The following DDAH1 variants were observed in gnomAD, a reference collection of about 807,000 sequenced individuals.
DDAH1 encodes the protein dimethylarginine dimethylaminohydrolase 1.
Under a neutral mutation model 28.8 loss-of-function variants are expected in DDAH1, and 19 were observed. The ratio of observed to expected loss-of-function variants is 0.66; its 90% CI spans 0.46 to 0.97. The LOEUF (loss-of-function observed/expected upper bound fraction) is 0.97, where lower values mean the gene tolerates loss of function less well. Ranked by LOEUF, DDAH1 falls within the 50% of genes least tolerant of loss-of-function variation. The probability of loss-of-function intolerance (pLI) is 0.00; values close to 1 mark genes in which losing one functional copy is unlikely to be tolerated. For synonymous variants in DDAH1, 153 were observed against 154.4 expected, an observed-to-expected ratio of 0.99 and a Z score of 0.07; for missense variants, 326 against 375.9, an observed-to-expected ratio of 0.87 and a Z score of 1.10.
chr1:85,461,323 T>C (rs1655116912), intron 1 of DDAH1, among the ~76,000 whole-genome samples: 1 of 152,234 alleles, frequency 6.6e-6, no homozygotes, highest in African/African-American at 2.4e-5. Flanking sequence ...TTAGGCTTCC[T>C]GCACACAGGG....
chr1:85,444,983 T>C (rs1428300510), intron 1 of DDAH1, among the ~76,000 whole-genome samples: 3 of 152,176 alleles, frequency 2.0e-5, no homozygotes, highest in Non-Finnish European at 4.4e-5. Context: ...ACTGAAGAAC[T>C]TGGAGTCCAA....
intron 1 of DDAH1, among the ~76,000 whole-genome samples, chr1:85,519,932 A>G (rs1439975859): frequency 6.6e-5 from 10 of 152,126 alleles, no homozygotes; most frequent in Admixed American, 1.3e-4. Flanking sequence ...TACAAAAAGG[A>G]TATCAACTAT....
chr1:85,323,686 A>C (rs1397549244), intron 5 of DDAH1, among the ~76,000 whole-genome samples: 1 of 152,162 alleles, frequency 6.6e-6, no homozygotes, highest in African/African-American at 2.4e-5. Flanking sequence ...CTCTACCTAA[A>C]GAAACAAATG....
At chr1:85,571,018 TCTAA>T (rs1224106395) in intron 1 of DDAH1, among the ~76,000 whole-genome samples, 1 of 152,166 alleles carries the variant, frequency 6.6e-6, no homozygotes, top group Non-Finnish European at 1.5e-5. Flanking sequence ...TTGGTCACAT[TCTAA>T]CTGTCTGATC....
chr1:85,506,819 A>G (rs760293306), intron 1 of DDAH1, among the ~76,000 whole-genome samples: 13 of 152,208 alleles, frequency 8.5e-5, no homozygotes, highest in Non-Finnish European at 1.8e-4. Flanking sequence ...ATTTTTAGGA[A>G]GGTGCCTCGG....
At chr1:85,378,992 T>G (rs572819968) in intron 1 of DDAH1, among the ~76,000 whole-genome samples, 1 of 152,270 alleles carries the variant, frequency 6.6e-6, no homozygotes, top group Admixed American at 6.5e-5. Context: ...CTAATGTGCT[T>G]TAAATGCAAA....
At chr1:85,386,382 A>T (rs1399217961) in intron 1 of DDAH1, among the ~76,000 whole-genome samples, 1 of 152,246 alleles carries the variant, frequency 6.6e-6, no homozygotes, top group East Asian at 1.9e-4. Context: ...GAGGAATTGG[A>T]CAAAAGAATG....
chr1:85,502,820 G>A (rs564888278), intron 1 of DDAH1, among the ~76,000 whole-genome samples: 18 of 152,230 alleles, frequency 1.2e-4, no homozygotes, highest in Non-Finnish European at 1.2e-4. Context: ...TGCCTCTCCT[G>A]CCTCCTACCA....
chr1:85,409,476 T>G (rs1652547985), intron 1 of DDAH1, among the ~76,000 whole-genome samples: 1 of 152,214 alleles, frequency 6.6e-6, no homozygotes, highest in Non-Finnish European at 1.5e-5. Flanking sequence ...TCCCAATTTT[T>G]CTCCTGTTAC....
chr1:85,385,052 G>T (rs1264498766), intron 1 of DDAH1, among the ~76,000 whole-genome samples: 1 of 152,190 alleles, frequency 6.6e-6, no homozygotes, highest in East Asian at 1.9e-4. Flanking sequence ...TGGTTAATAA[G>T]CAAATTTAAC....
chr1:85,398,783 A>G (rs1651932474), intron 1 of DDAH1: 1 of 152,202 alleles, frequency 6.6e-6, no homozygotes, highest in Non-Finnish European at 1.5e-5. Flanking sequence ...TGGCAGAATA[A>G]GGCTATGGTT....
intron 4 of DDAH1, among the ~76,000 whole-genome samples, chr1:85,343,455 G>A (rs1648633241): frequency 6.6e-6 from 1 of 152,158 alleles, no homozygotes; most frequent in Admixed American, 6.5e-5. Flanking sequence ...ATTTGGTTTT[G>A]TGTTTTAATT....
chr1:85,572,745 A>G (rs1164344945), intron 1 of DDAH1, among the ~76,000 whole-genome samples: 1 of 152,166 alleles, frequency 6.6e-6, no homozygotes, highest in Non-Finnish European at 1.5e-5. Context: ...ACCACTCCTG[A>G]GCTGGTGCAA....
At chr1:85,501,801 T>C (rs1656831804) in intron 1 of DDAH1, among the ~76,000 whole-genome samples, 2 of 152,196 alleles carry the variant, frequency 1.3e-5, no homozygotes, top group South Asian at 4.1e-4. Flanking sequence ...CAGCTATTTA[T>C]GGCAAGAGGG....
intron 2 of DDAH1, among the ~76,000 whole-genome samples, chr1:85,484,145 CTT>C (rs78434263): frequency 0.13 from 19,084 of 152,074 alleles, 1,283 homozygotes; most frequent in Non-Finnish European, 0.15. Context: ...CTTAATCTCT[CTT>C]GGAAGAATAC....
chr1:85,461,430 A>C (rs1464526791), intron 1 of DDAH1, among the ~76,000 whole-genome samples: 2 of 152,220 alleles, frequency 1.3e-5, no homozygotes, highest in Non-Finnish European at 2.9e-5. Context: ...TCATTAAATG[A>C]AACACGATGT....
At chr1:85,430,799 G>C (rs2100634354) in intron 1 of DDAH1, among the ~76,000 whole-genome samples, 1 of 152,258 alleles carries the variant, frequency 6.6e-6, no homozygotes, top group African/African-American at 2.4e-5. Context: ...GGGCTGAGAT[G>C]ATGGGGTTTT....
intron 1 of DDAH1, among the ~76,000 whole-genome samples, chr1:85,460,912 T>C (rs1047469458): frequency 3.9e-5 from 6 of 152,238 alleles, no homozygotes; most frequent in Admixed American, 1.3e-4. Flanking sequence ...TTATTTCTCC[T>C]ACATCATCTT....
At chr1:85,474,400 GGCCTCT>G (rs1655723215) in intron 2 of DDAH1, among the ~76,000 whole-genome samples, 3 of 151,902 alleles carry the variant, frequency 2.0e-5, no homozygotes, top group Admixed American at 1.3e-4. Flanking sequence ...CCCATGATGT[GGCCTCT>G]GCCTACTTGC....
Sources: gnomAD v4.1 joint callset for allele counts (sites outside exome capture counted in the v4.1 genomes callset) on GRCh38, gnomAD v4.1.1 for gene constraint, MANE v1.5 for transcripts, NCBI Gene and HGNC (gene_info 2026-07-23, HGNC 2026-07-21) for gene names.